Variants in KLRB1 observed in about 807,000 individuals in gnomAD.
KLRB1 encodes killer cell lectin like receptor B1.
A neutral mutation model predicts 33.5 loss-of-function variants in KLRB1; 27 were observed. That is an observed-to-expected ratio of 0.81 (90% CI 0.59 to 1.11). The LOEUF is 1.11. KLRB1 is among the 50% of genes most tolerant of loss of function. KLRB1 has a pLI of 0.00. For missense variants in KLRB1, 241 were observed against 254.1 expected, an observed-to-expected ratio of 0.95 and a Z score of 0.35; for synonymous variants, 64 against 88.9, an observed-to-expected ratio of 0.72 and a Z score of 1.58.
In KLRB1 at chr12:9,595,390, T is replaced by A. The variant is rs1356040938; in HGVS notation, c.562A>T (p.Ser188Cys). ...GATGTCTGTGAGATGGAAATACAGCTGTTTTCTTTAGCATCACCTCTAATT... is the reference window on the plus strand; with the variant it reads ...GATGTCTGTGAGATGGAAATACAGCAGTTTTCTTTAGCATCACCTCTAATT... ...LEIRGDAKEN[S>C]CISISQTSVY... Residue 188 changes from serine to cysteine, a missense_variant, in exon 6 of 6, where the codon AGC becomes TGC. Transcript: ENST00000229402. 6.2e-7 allele frequency: 1 copy of A among 1,613,150 alleles called. No individual in the cohort carries two copies. Among genetic ancestry groups the A allele is most frequent in the South Asian group, 1.1e-5 (1 of 91,064 alleles).
rs1376499155 is a variant in KLRB1 at position 9,595,197 on chromosome 12, G to A, written c.*77C>T. On this transcript the variant is annotated 3_prime_UTR_variant, in exon 6 of 6. Coordinates refer to ENST00000229402, the MANE Select transcript of KLRB1 (RefSeq NM_002258.3). ...GTGCCACTAAATGTGGCACTATTAG[G>A]TAGTACCAATAGTATGTGCAGCTAC... The A allele has an allele frequency of 1.6e-6, 2 of 1,243,836 alleles. No homozygotes were observed. Among genetic ancestry groups the A allele is most frequent in the South Asian group, 1.3e-5 (1 of 77,372 alleles). The allele number at this position is 1,243,836 out of a possible 1,614,324, so 77.0% of individuals were successfully genotyped here. A position where few individuals can be genotyped will look rare whatever the true frequency, so the allele number is the denominator to read the frequency against.
In KLRB1 at chr12:9,594,891, C is replaced by A; in HGVS notation, c.*383G>T. The A allele has an allele frequency of 6.0e-6, 1 of 165,886 alleles. No individual in the cohort carries two copies. The highest frequency in any genetic ancestry group is 1.3e-5 in the Non-Finnish European group (1 of 77,966). 10.3% of individuals were successfully genotyped at this position (165,886 alleles called of 1,614,324 possible). On this transcript the variant is annotated 3_prime_UTR_variant, in exon 6 of 6. Transcript: ENST00000229402. ...CCCTTGTATGACTCGGATAGCCCTCCCAGAGGAATCTTCACGGCTTGCCGC... is the reference window on the plus strand; with the variant it reads ...CCCTTGTATGACTCGGATAGCCCTCACAGAGGAATCTTCACGGCTTGCCGC...
chr12:9,595,039 A>G lies in KLRB1; in HGVS notation c.*235T>C. Reference sequence around the variant, plus strand: ...GACATCCTTCACTCCTTCACCATAGAATATCACTGTTTCTTTAAAACGATG... The same window carrying G: ...GACATCCTTCACTCCTTCACCATAGGATATCACTGTTTCTTTAAAACGATG... On this transcript the variant is annotated 3_prime_UTR_variant, in exon 6 of 6. Coordinates refer to ENST00000229402, the MANE Select transcript of KLRB1 (RefSeq NM_002258.3). The G allele has an allele frequency of 2.1e-6, 1 of 487,450 alleles. No homozygotes were observed. Among genetic ancestry groups the G allele is most frequent in the Non-Finnish European group, 3.7e-6 (1 of 272,252 alleles). 30.2% of individuals were successfully genotyped at this position (487,450 alleles called of 1,614,324 possible).
At position 9,598,099 on chromosome 12, in the gene KLRB1, T is replaced by G. The variant is rs1319375131; in HGVS notation, c.477A>C (p.Ser159=). 1.9e-6 allele frequency: 3 copies of G among 1,597,462 alleles called. No individual in the cohort carries two copies. The highest frequency in any genetic ancestry group is 2.7e-5 in the African/African-American group (2 of 73,784). The change falls in exon 5 of 6, where the codon TCA becomes TCC. Residue 159 remains serine, a synonymous_variant. Coordinates refer to ENST00000229402, the MANE Select transcript of KLRB1 (RefSeq NM_002258.3). The part of the protein sequence containing the change: ...AILFWIGLNF[S]LSEKNWKWIN... ...TCCACTTCCAGTTCTTTTCTGATAATGAAAAATTTAATCCAATCCAAAACA... is the reference window on the plus strand; with the variant it reads ...TCCACTTCCAGTTCTTTTCTGATAAGGAAAAATTTAATCCAATCCAAAACA...
intron 1 of KLRB1, among the ~76,000 whole-genome samples, chr12:9,606,035 C>T (rs1864595425): frequency 6.6e-6 from 1 of 152,024 alleles, no homozygotes; most frequent in African/African-American, 2.4e-5. Flanking sequence ...GTTACTCAAC[C>T]AAATCCTCCC....
Position 9,599,773 on chromosome 12 carries a change from T to G in KLRB1, c.253A>C (p.Thr85Pro), listed in dbSNP as rs762564487. ...SVDIQQSRNK[T>P]TERPGLLNCP... ...ATTGAAGCCACACAATTACCTGTTG[T>G]TTTATTCCTGCTCTGTTGAATGTCC... The change falls in exon 3 of 6, where the codon ACA becomes CCA. Residue 85 changes from threonine (T) to proline (P), a missense_variant. Transcript: ENST00000229402. 40 of 1,595,792 alleles carry G rather than the reference T, an allele frequency of 2.5e-5. No individual in the cohort carries two copies. Among genetic ancestry groups the G allele is most frequent in the Non-Finnish European group, 2.9e-5 (34 of 1,163,718 alleles).
intron 5 of KLRB1, among the ~76,000 whole-genome samples, chr12:9,597,149 A>G (rs1393245136): frequency 6.6e-6 from 1 of 152,168 alleles, no homozygotes; most frequent in East Asian, 1.9e-4. Context: ...GACAAACTTA[A>G]AACATTCTCC....
chr12:9,599,950 G>A (rs2120711667), intron 2 of KLRB1, 109 bp from the exon 3 acceptor site: 4 of 620,748 alleles, frequency 6.4e-6, no homozygotes, highest in Non-Finnish European at 8.6e-6. Flanking sequence ...GCTTGAATAT[G>A]GACAGAAAAT....
chr12:9,607,374 T>TTCTCTCTC lies in KLRB1; in HGVS notation c.85+380_85+381insGAGAGAGA, dbSNP rs1172966387. 7.0e-3 allele frequency among the ~76,000 whole-genome samples: 662 copies of TTCTCTCTC among 94,230 alleles called. 19 individuals are homozygous for TTCTCTCTC. Among genetic ancestry groups the TTCTCTCTC allele is most frequent in the Non-Finnish European group, 9.7e-3 (419 of 43,332 alleles). The allele number at this position is 94,230 out of a possible 152,430, so 61.8% of individuals were successfully genotyped here. On this transcript the variant is annotated intron_variant, in intron 1 of 5. Transcript: ENST00000229402. ...TTTCTTCCTTTCTTTCTTTCTTTCT[T>TTCTCTCTC]TCTTTCTTTCTTTCTTTCTTTCTTT...
chr12:9,599,718 C>G, intron 3 of KLRB1, 49 bp downstream of exon 3: 3 of 1,117,274 alleles, frequency 2.7e-6, no homozygotes, highest in Non-Finnish European at 4.1e-6. Flanking sequence ...CACATGAAAT[C>G]TACCAAATAT....
Position 9,607,378 on chromosome 12 carries a change from T to TTCTTTCTTTCTC in KLRB1, c.85+376_85+377insGAGAAAGAAAGA, listed in dbSNP as rs1555097832. Among the ~76,000 whole-genome samples, 449 of 93,012 alleles carry TTCTTTCTTTCTC rather than the reference T, an allele frequency of 4.8e-3. 3 individuals carry two copies. Among genetic ancestry groups the TTCTTTCTTTCTC allele is most frequent in the Non-Finnish European group, 5.3e-3 (218 of 41,402 alleles). The allele number at this position is 93,012 out of a possible 152,430, so 61.0% of individuals were successfully genotyped here. ...TTCCTTTCTTTCTTTCTTTCTTTCT[T>TTCTTTCTTTCTC]TCTTTCTTTCTTTCTTTCTTTCTTT... On this transcript the variant is annotated intron_variant, in intron 1 of 5. Coordinates refer to ENST00000229402, the MANE Select transcript of KLRB1 (RefSeq NM_002258.3).
chr12:9,596,127 C>G (rs1864490353), intron 5 of KLRB1, among the ~76,000 whole-genome samples: 1 of 152,068 alleles, frequency 6.6e-6, no homozygotes, highest in South Asian at 2.1e-4. Context: ...GGTGTGAGTT[C>G]AAGACTCTCC....
rs961144021 is a variant in KLRB1, at chr12:9,595,548, C to T, written c.531-127G>A. On this transcript the variant is annotated intron_variant, in intron 5 of 5. Transcript: ENST00000229402. ...TAAACTATTAAACAAAGAAGGCACACGGTCACAAATATAATGGTATGAACT... is the reference window on the plus strand; with the variant it reads ...TAAACTATTAAACAAAGAAGGCACATGGTCACAAATATAATGGTATGAACT... 19 of 819,516 alleles carry T rather than the reference C, an allele frequency of 2.3e-5. No individual in the cohort carries two copies. The African/African-American group carries it at 2.6e-4, about 11-fold the overall frequency. 50.8% of individuals were successfully genotyped at this position (819,516 alleles called of 1,614,324 possible).
intron 1 of KLRB1, among the ~76,000 whole-genome samples, chr12:9,603,683 G>A (rs1196457163): frequency 4.7e-5 from 7 of 150,026 alleles, no homozygotes; most frequent in Admixed American, 3.3e-4. Flanking sequence ...TGATCCACCC[G>A]CCTCAGCCTC....
At position 9,607,340 on chromosome 12, in the gene KLRB1, CTTT is replaced by C. The variant is rs1565444557; in HGVS notation, c.85+412_85+414del. On this transcript the variant is annotated intron_variant, in intron 1 of 5. Coordinates refer to ENST00000229402, the MANE Select transcript of KLRB1 (RefSeq NM_002258.3). ...TCTTTTCTTTCTCTTTCTTTCCTTT[CTTT>C]CTTTCTTTCTTCCTTTCTTTCTTTC... is the stretch of plus-strand genomic sequence containing the variant. 8.1e-3 allele frequency among the ~76,000 whole-genome samples: 390 copies of C among 47,938 alleles called. 8 individuals carry two copies. Among genetic ancestry groups the C allele is most frequent in the East Asian group, 0.016 (29 of 1,762 alleles). 31.4% of individuals were successfully genotyped at this position (47,938 alleles called of 152,430 possible).
chr12:9,598,457 A>G (rs770000772), intron 4 of KLRB1, 42 bp downstream of exon 4: 9 of 1,550,282 alleles, frequency 5.8e-6, no homozygotes, highest in Non-Finnish European at 7.0e-6. Context: ...TGGTTTAAAG[A>G]AAGTGTTAAG....
chr12:9,607,335 C>CCTTTCTTTCTTTCTTCCTTCCTTT (rs1565444534), intron 1 of KLRB1, among the ~76,000 whole-genome samples: 8 of 65,168 alleles, frequency 1.2e-4, no homozygotes, highest in African/African-American at 2.9e-4. Flanking sequence ...CTCTTTCTTT[C>CCTTTCTTTCTTTCTTCCTTCCTTT]CTTTCTTTCT....
At chr12:9,597,566 C>A (rs907414870) in intron 5 of KLRB1, among the ~76,000 whole-genome samples, 4 of 152,120 alleles carry the variant, frequency 2.6e-5, no homozygotes, top group Non-Finnish European at 4.4e-5. Flanking sequence ...GTCTTTCACA[C>A]CAGTGGTTCA....
chr12:9,597,622 C>T (rs1289022971), intron 5 of KLRB1, among the ~76,000 whole-genome samples: 1 of 152,136 alleles, frequency 6.6e-6, no homozygotes, highest in African/African-American at 2.4e-5. Context: ...GGGTTCCACA[C>T]TCTGATATTT....
Sources: allele counts gnomAD v4.1 joint callset (sites outside exome capture counted in the v4.1 genomes callset), GRCh38; gene constraint gnomAD v4.1.1; transcripts MANE v1.5; gene names NCBI Gene and HGNC (gene_info 2026-07-23, HGNC 2026-07-21).